Variants in NIM1K observed in about 807,000 individuals in gnomAD.
NIM1K encodes serine/threonine-protein kinase NIM1.
NIM1K carries 35 observed loss-of-function variants against 37.1 expected under a neutral mutation model. That is an observed-to-expected ratio of 0.94 (90% CI 0.72 to 1.25). The LOEUF is 1.25. Ranked by LOEUF, NIM1K falls within the 50% of genes most tolerant of loss-of-function variation. The pLI is 0.00. For synonymous variants in NIM1K, 234 were observed against 206.6 expected, an observed-to-expected ratio of 1.13 and a Z score of -1.14; for missense variants, 564 against 548.0, an observed-to-expected ratio of 1.03 and a Z score of -0.29.
chr5:43,195,514 G>T (rs1247184876), intron 1 of NIM1K, among the ~76,000 whole-genome samples: 1 of 152,054 alleles, frequency 6.6e-6, no homozygotes, highest in Admixed American at 6.5e-5. Context: ...TTAAAAATTA[G>T]CTGGGTGTGG....
intron 2 of NIM1K, among the ~76,000 whole-genome samples, chr5:43,271,333 C>T (rs892693812): frequency 6.6e-6 from 1 of 151,904 alleles, no homozygotes; most frequent in Non-Finnish European, 1.5e-5. Flanking sequence ...TCTGAGGGTG[C>T]ATATACCCCC....
rs142458843 is a variant in NIM1K at position 43,211,368 on chromosome 5, T to C, written c.-695+18957T>C. 2.9e-3 allele frequency among the ~76,000 whole-genome samples: 442 copies of C among 152,196 alleles called. 2 individuals are homozygous for C. Among genetic ancestry groups the C allele is most frequent in the African/African-American group, 0.01 (430 of 41,522 alleles). On this transcript the variant is annotated intron_variant, in intron 1 of 3. Coordinates refer to ENST00000326035, the MANE Select transcript of NIM1K (RefSeq NM_153361.4). ...AGTTGTGGTTACATTCTTACTCTTG[T>C]AGTGGGGAAGAAAAAACAGTTGTTT...
Position 43,277,345 on chromosome 5 carries a change from G to A in NIM1K, c.561+20G>A, listed in dbSNP as rs778864830. ...CACATGGTGAGCAGGGGTGACGAGT[G>A]AGAACCTTGCTCCCATTGCACTGAC... On this transcript the variant is annotated intron_variant, in intron 3 of 3. Coordinates refer to ENST00000326035, the MANE Select transcript of NIM1K (RefSeq NM_153361.4). The A allele has an allele frequency of 1.9e-6, 3 of 1,607,222 alleles. No homozygotes were observed. The highest frequency in any genetic ancestry group is 1.7e-5 in the Admixed American group (1 of 59,688).
At chr5:43,260,853 A>G (rs1753017218) in intron 2 of NIM1K, among the ~76,000 whole-genome samples, 1 of 151,980 alleles carries the variant, frequency 6.6e-6, no homozygotes, top group Non-Finnish European at 1.5e-5. Flanking sequence ...GAGTGAGAAC[A>G]TTCGGTGTTT....
chr5:43,199,204 A>AAAAAAAAATATATAT (rs1200134957), intron 1 of NIM1K, among the ~76,000 whole-genome samples: 7 of 94,058 alleles, frequency 7.4e-5, no homozygotes, highest in African/African-American at 7.8e-5. Flanking sequence ...AAAAAAAAAA[A>AAAAAAAAATATATAT]ATATATATAT....
At chr5:43,234,184 A>G (rs1448743771) in intron 1 of NIM1K, among the ~76,000 whole-genome samples, 1 of 152,164 alleles carries the variant, frequency 6.6e-6, no homozygotes, top group Non-Finnish European at 1.5e-5. Context: ...TGGTTTTTGT[A>G]TCTGTGAAAA....
intron 1 of NIM1K, among the ~76,000 whole-genome samples, chr5:43,241,043 C>A (rs1752695142): frequency 6.6e-6 from 1 of 151,996 alleles, no homozygotes; most frequent in Non-Finnish European, 1.5e-5. Flanking sequence ...AGCCAAATTA[C>A]CTTCCAAGCA....
intron 1 of NIM1K, among the ~76,000 whole-genome samples, chr5:43,196,488 A>C (rs1751916749): frequency 6.7e-6 from 1 of 148,202 alleles, no homozygotes; most frequent in Non-Finnish European, 1.5e-5. Context: ...AAAAAAAATT[A>C]GCCAGGTGTG....
intron 1 of NIM1K, among the ~76,000 whole-genome samples, chr5:43,243,840 T>C (rs1752738906): frequency 1.3e-5 from 2 of 152,048 alleles, no homozygotes; most frequent in Non-Finnish European, 2.9e-5. Flanking sequence ...TGCTAAGGGG[T>C]ACACCACCAC....
chr5:43,216,252 G>A (rs1188881093), intron 1 of NIM1K, among the ~76,000 whole-genome samples: 1 of 152,066 alleles, frequency 6.6e-6, no homozygotes, highest in East Asian at 1.9e-4. Flanking sequence ...GGAAACTGGT[G>A]AGTCTGACTC....
intron 1 of NIM1K, among the ~76,000 whole-genome samples, chr5:43,224,480 A>G (rs74442509): frequency 0.021 from 3,220 of 152,004 alleles, 51 homozygotes; most frequent in Non-Finnish European, 0.032. Flanking sequence ...CTGTGGAACT[A>G]TAAGGTCTGT....
intron 1 of NIM1K, chr5:43,240,231 G>T (rs1752680534): frequency 6.6e-6 from 1 of 151,580 alleles, no homozygotes; most frequent in South Asian, 2.1e-4. Flanking sequence ...GCGCCACCCA[G>T]CTAATTTTTT....
intron 2 of NIM1K, among the ~76,000 whole-genome samples, chr5:43,262,713 T>A (rs1657291044): frequency 6.6e-6 from 1 of 152,198 alleles, no homozygotes; most frequent in East Asian, 1.9e-4. Context: ...CTTCCAGTTT[T>A]TGCCCATTCC....
chr5:43,222,010 G>A (rs1202006645), intron 1 of NIM1K, among the ~76,000 whole-genome samples: 1 of 152,188 alleles, frequency 6.6e-6, no homozygotes, highest in Non-Finnish European at 1.5e-5. Context: ...GCAGATCTTG[G>A]AGGAGGAGGC....
At chr5:43,204,782 G>A (rs992024083) in intron 1 of NIM1K, among the ~76,000 whole-genome samples, 2 of 151,974 alleles carry the variant, frequency 1.3e-5, no homozygotes, top group African/African-American at 2.4e-5. Flanking sequence ...TGAGGCGGGT[G>A]GATTACTTGA....
At chr5:43,261,947 C>T (rs1469771958) in intron 2 of NIM1K, among the ~76,000 whole-genome samples, 18 of 152,014 alleles carry the variant, frequency 1.2e-4, no homozygotes, top group African/African-American at 4.1e-4. Flanking sequence ...CAGAGGGCTC[C>T]GTTCTGTTCC....
intron 2 of NIM1K, among the ~76,000 whole-genome samples, chr5:43,275,862 C>A (rs1009739844): frequency 6.6e-6 from 1 of 150,836 alleles, no homozygotes; most frequent in East Asian, 1.9e-4. Context: ...AAGCCATTCT[C>A]GCATTTCTAT....
At chr5:43,277,779 C>CGT (rs765779433) in intron 3 of NIM1K, among the ~76,000 whole-genome samples, 6,344 of 127,290 alleles carry the variant, frequency 0.05, 201 homozygotes, top group African/African-American at 0.084. Flanking sequence ...CCCCCCTCTC[C>CGT]GTGTGTGTGT....
At chr5:43,255,593 AC>A (rs1385946953) in intron 2 of NIM1K, among the ~76,000 whole-genome samples, 1 of 152,052 alleles carries the variant, frequency 6.6e-6, no homozygotes, top group African/African-American at 2.4e-5. Flanking sequence ...TACTAAAAAT[AC>A]AAAAATTAGC....
Sources: gnomAD v4.1 joint callset for allele counts (sites outside exome capture counted in the v4.1 genomes callset) on GRCh38, gnomAD v4.1.1 for gene constraint, MANE v1.5 for transcripts, NCBI Gene and HGNC (gene_info 2026-07-23, HGNC 2026-07-21) for gene names.